Variants in NRAP observed in about 807,000 individuals in gnomAD.
The protein encoded by NRAP is nebulin-related-anchoring protein.
NRAP carries 189 observed loss-of-function variants against 225.9 expected under a neutral mutation model. That is an observed-to-expected ratio of 0.84 (90% confidence interval 0.74 to 0.94). NRAP has a LOEUF of 0.94. NRAP is among the 40% of genes least tolerant of loss of function. NRAP has a pLI of 0.00. For missense variants in NRAP, 2,176 were observed against 2,168.7 expected (o/e 1.00, Z -0.07); for synonymous variants, 769 against 790.7 (o/e 0.97, Z 0.46).
At chr10:113,623,216 C>T (rs1848097901) in intron 23 of NRAP, among the ~76,000 whole-genome samples, 2 of 152,208 alleles carry the variant, frequency 1.3e-5, no homozygotes, top group African/African-American at 4.8e-5. Flanking sequence ...CAGACCACAA[C>T]GTCTTTAGAA....
chr10:113,659,577 G>A (rs1197453346), intron 3 of NRAP, among the ~76,000 whole-genome samples: 2 of 152,086 alleles, frequency 1.3e-5, no homozygotes, highest in African/African-American at 4.8e-5. Flanking sequence ...ATTACACCAA[G>A]GAAACAGAAA....
intron 35 of NRAP, among the ~76,000 whole-genome samples, chr10:113,598,565 A>G (rs1283381464): frequency 2.0e-5 from 3 of 152,110 alleles, no homozygotes; most frequent in Admixed American, 6.5e-5. Flanking sequence ...CTCGAAGTTC[A>G]TAACAACCCC....
intron 25 of NRAP, among the ~76,000 whole-genome samples, chr10:113,618,276 T>C (rs1847785430): frequency 6.6e-6 from 1 of 152,216 alleles, no homozygotes; most frequent in Admixed American, 6.5e-5. Flanking sequence ...ACAGAAACCA[T>C]AATTACTTCA....
intron 25 of NRAP, among the ~76,000 whole-genome samples, chr10:113,620,264 C>A (rs1204647386): frequency 6.6e-6 from 1 of 152,158 alleles, no homozygotes; most frequent in African/African-American, 2.4e-5. Context: ...TGCCTAAAGT[C>A]ACCAAAGAGC....
chr10:113,606,220 G>A lies in NRAP; in HGVS notation c.3765C>T (p.Pro1255=), dbSNP rs765605243. ...CATTCGTTTTTGCTCGGATGAACTC[G>A]GGCAGACCCAGGGTCATTGTATACT... ...RHEYTMTLGL[P]EFIRAKTNAA... The change falls in exon 33 of 42, where the codon CCC becomes CCT. Residue 1255 remains proline, a synonymous_variant. Coordinates refer to ENST00000359988, the MANE Select transcript of NRAP (RefSeq NM_198060.4). The A allele has an allele frequency of 6.6e-5, 107 of 1,614,010 alleles. No individual in the cohort carries two copies. Among genetic ancestry groups the A allele is most frequent in the Non-Finnish European group, 8.1e-5 (96 of 1,179,984 alleles).
At chr10:113,589,857 T>C in intron 40 of NRAP, 60 bp from the exon 41 acceptor site, 3 of 1,575,998 alleles carry the variant, frequency 1.9e-6, no homozygotes, top group Non-Finnish European at 2.6e-6. Flanking sequence ...GGTTTGACCA[T>C]TAAGTAAAGA....
At chr10:113,615,243 G>C (rs1466402611) in intron 27 of NRAP, among the ~76,000 whole-genome samples, 1 of 152,188 alleles carries the variant, frequency 6.6e-6, no homozygotes, top group Non-Finnish European at 1.5e-5. Context: ...AATTTGATTG[G>C]AAGAAGGCAT....
At chr10:113,648,541 G>C (rs1046674081) in intron 9 of NRAP, among the ~76,000 whole-genome samples, 2 of 145,944 alleles carry the variant, frequency 1.4e-5, no homozygotes, top group African/African-American at 5.1e-5. Context: ...TGATTACATG[G>C]TATAATCCTT....
chr10:113,629,876 T>C (rs1201508483), intron 18 of NRAP, 91 bp from the exon 19 acceptor site: 10 of 878,058 alleles, frequency 1.1e-5, no homozygotes, highest in Non-Finnish European at 1.7e-5. Flanking sequence ...TTCCGGGCTT[T>C]CGGGAGCAGG....
chr10:113,588,751 CAGACACTCG>C lies in NRAP; in HGVS notation c.*215_*223del, dbSNP rs1845732835. 3 of 568,194 alleles carry C rather than the reference CAGACACTCG, an allele frequency of 5.3e-6. No homozygotes were observed. In the African/African-American group the frequency reaches 5.6e-5, roughly 11 times the overall value. 35.2% of individuals were successfully genotyped at this position (568,194 alleles called of 1,614,324 possible). A position where few individuals can be genotyped will look rare whatever the true frequency, so the allele number is the denominator to read the frequency against. The stretch of plus-strand genomic sequence containing the variant: ...ACCATCACATCTTTATTCCTCAGCC[CAGACACTCG>C]AGGCACTCAACAGAATCAGCCATCC... On this transcript the variant is annotated 3_prime_UTR_variant, in exon 42 of 42. Coordinates refer to ENST00000359988, the MANE Select transcript of NRAP (RefSeq NM_198060.4).
intron 32 of NRAP, among the ~76,000 whole-genome samples, chr10:113,606,642 G>T (rs573119296): frequency 3.2e-4 from 49 of 152,324 alleles, no homozygotes; most frequent in Admixed American, 2.3e-3. Flanking sequence ...GAGAAGGGAG[G>T]TGGAAGGGAC....
chr10:113,662,350 T>A (rs1420803599), intron 3 of NRAP, among the ~76,000 whole-genome samples: 3 of 152,250 alleles, frequency 2.0e-5, no homozygotes, highest in Non-Finnish European at 1.5e-5. Flanking sequence ...GTATTTATCA[T>A]TTCTATTCTA....
intron 14 of NRAP, among the ~76,000 whole-genome samples, chr10:113,639,786 T>C (rs1321270210): frequency 6.6e-6 from 1 of 152,232 alleles, no homozygotes; most frequent in Admixed American, 6.5e-5. Context: ...CATGTGCTCC[T>C]GAGAAAAAAT....
intron 3 of NRAP, 59 bp from the exon 4 acceptor site, chr10:113,657,633 CA>C: frequency 1.0e-6 from 1 of 999,052 alleles, no homozygotes; most frequent in Admixed American, 1.9e-5. Flanking sequence ...AAAACATAGA[CA>C]AACAATTCCT....
intron 15 of NRAP, 102 bp downstream of exon 15, chr10:113,634,010 C>T: frequency 2.6e-6 from 2 of 766,458 alleles, no homozygotes; most frequent in South Asian, 3.2e-5. Flanking sequence ...AGACATGTGT[C>T]ACAATTTATG....
At position 113,645,818 on chromosome 10, in the gene NRAP, T is replaced by TACGC. The variant is rs139652749; in HGVS notation, c.1110+3_1110+6dup. The TACGC allele has an allele frequency of 1.4e-3, 2,037 of 1,426,432 alleles. 22 individuals carry two copies. In the African/African-American group the frequency reaches 0.024, roughly 17 times the overall value. 88.4% of individuals were successfully genotyped at this position (1,426,432 alleles called of 1,614,324 possible). ...GCTCATGGGTGTGACTCTTCCCCCA[T>TACGC]ACGCACCTCACTCACGAGTTTGTTT... On this transcript the variant is annotated splice_region_variant and intron_variant, in intron 11 of 41. Transcript: ENST00000359988.
At chr10:113,638,421 A>G (rs567501907) in intron 14 of NRAP, among the ~76,000 whole-genome samples, 1 of 152,286 alleles carries the variant, frequency 6.6e-6, no homozygotes, top group South Asian at 2.1e-4. Flanking sequence ...TCAAATTAAG[A>G]ACCCATGCTT....
At chr10:113,611,648 T>G (rs1329300302) in intron 30 of NRAP, among the ~76,000 whole-genome samples, 1 of 152,132 alleles carries the variant, frequency 6.6e-6, no homozygotes, top group African/African-American at 2.4e-5. Flanking sequence ...TCCAGGGCCC[T>G]GATTTCCCTC....
intron 3 of NRAP, among the ~76,000 whole-genome samples, chr10:113,660,406 C>T (rs907874622): frequency 1.3e-5 from 2 of 152,162 alleles, no homozygotes; most frequent in Non-Finnish European, 1.5e-5. Context: ...CACACATATA[C>T]GCTGTCACAT....
Sources: gnomAD v4.1 joint callset for allele counts (sites outside exome capture counted in the v4.1 genomes callset) on GRCh38, gnomAD v4.1.1 for gene constraint, MANE v1.5 for transcripts, NCBI Gene and HGNC (gene_info 2026-07-23, HGNC 2026-07-21) for gene names.